Variants in INSC observed in about 807,000 individuals in gnomAD.
The protein encoded by INSC is INSC spindle orientation adaptor protein.
INSC carries 67 observed loss-of-function variants against 58.6 expected under a neutral mutation model. That is an observed-to-expected ratio of 1.14 (90% CI 0.94 to 1.40). INSC has a LOEUF of 1.40. Ranked by LOEUF, INSC falls within the 40% of genes most tolerant of loss-of-function variation. The probability of loss-of-function intolerance (pLI) is 0.00; values close to 1 mark genes in which losing one functional copy is unlikely to be tolerated. For synonymous variants in INSC, 262 were observed against 276.1 expected (o/e 0.95, Z 0.51); for missense variants, 714 against 692.0 (o/e 1.03, Z -0.36).
intron 5 of INSC, among the ~76,000 whole-genome samples, chr11:15,183,005 G>T (rs923156021): frequency 2.0e-5 from 3 of 152,094 alleles, no homozygotes; most frequent in African/African-American, 7.2e-5. Flanking sequence ...AAGCTTCCAT[G>T]AATTATTTCC....
intron 5 of INSC, among the ~76,000 whole-genome samples, chr11:15,178,738 G>GCTTT (rs1554913441): frequency 7.2e-5 from 11 of 152,142 alleles, no homozygotes; most frequent in Non-Finnish European, 1.5e-4. Flanking sequence ...GCAGAGCCCA[G>GCTTT]CATCTCCCAA....
intron 2 of INSC, among the ~76,000 whole-genome samples, chr11:15,169,944 G>A (rs1182448874): frequency 6.6e-6 from 1 of 152,090 alleles, no homozygotes. Context: ...GTTGTCCCTT[G>A]GCATCCATGA....
At chr11:15,208,801 A>G (rs1278304720) in intron 7 of INSC, among the ~76,000 whole-genome samples, 4 of 152,196 alleles carry the variant, frequency 2.6e-5, no homozygotes, top group Non-Finnish European at 5.9e-5. Context: ...TGTGCTGTGC[A>G]ACAGCGACCC....
At chr11:15,169,934 G>A (rs1332553231) in intron 2 of INSC, among the ~76,000 whole-genome samples, 1 of 152,174 alleles carries the variant, frequency 6.6e-6, no homozygotes, top group African/African-American at 2.4e-5. Flanking sequence ...AGACATTGCA[G>A]TTGTCCCTTG....
intron 9 of INSC, among the ~76,000 whole-genome samples, chr11:15,228,610 T>C (rs554167269): frequency 1.6e-4 from 24 of 152,304 alleles, no homozygotes; most frequent in African/African-American, 5.5e-4. Context: ...GAAGATGAAT[T>C]AGGCTTTGAA....
intron 7 of INSC, among the ~76,000 whole-genome samples, chr11:15,206,904 T>C (rs1792551): frequency 0.73 from 111,614 of 152,108 alleles, 41,900 homozygotes; most frequent in East Asian, 0.95. Context: ...CATTTGTCTC[T>C]ACTTTTCCAG....
intron 1 of INSC, 25 bp downstream of exon 1, chr11:15,115,028 G>A: frequency 1.0e-6 from 1 of 984,662 alleles, no homozygotes. Flanking sequence ...CCCCTAGCTG[G>A]ATTCAGGGGG....
the INSC span, among the ~76,000 whole-genome samples, chr11:15,257,498 G>A: frequency 6.6e-6 from 1 of 152,068 alleles, no homozygotes; most frequent in Non-Finnish European, 1.5e-5. Context: ...TTAATACATG[G>A]ATGGTGTTAT....
rs1162303369 is a variant in INSC, at chr11:15,118,461, T to C, written c.-46+3458T>C. Among the ~76,000 whole-genome samples, 6 of 152,172 alleles carry C rather than the reference T, an allele frequency of 3.9e-5. No homozygotes were observed. In the South Asian group the frequency reaches 1.2e-3, roughly 32 times the overall value. On this transcript the variant is annotated intron_variant, in intron 1 of 12. Coordinates refer to ENST00000379556, the MANE Select transcript of INSC (RefSeq NM_001042536.3). ...ACTTGAATGGTGGGCTTTCAGGCAT[T>C]GCATTGAGGTCCTGCTTCTCATTAT...
At chr11:15,149,936 CA>C (rs1402767338) in intron 2 of INSC, among the ~76,000 whole-genome samples, 1 of 152,180 alleles carries the variant, frequency 6.6e-6, no homozygotes, top group Non-Finnish European at 1.5e-5. Context: ...GGAGGCAAGG[CA>C]TGATTTCTAA....
intron 9 of INSC, among the ~76,000 whole-genome samples, chr11:15,228,074 T>A (rs971532791): frequency 2.4e-4 from 36 of 152,194 alleles, no homozygotes; most frequent in Non-Finnish European, 5.3e-4. Flanking sequence ...TTAAATTAAT[T>A]AATAAATAAA....
At chr11:15,222,240 G>A (rs1274137665) in intron 8 of INSC, among the ~76,000 whole-genome samples, 1 of 152,142 alleles carries the variant, frequency 6.6e-6, no homozygotes, top group East Asian at 1.9e-4. Context: ...GTTTTCCTTT[G>A]CTAAATTATA....
intron 5 of INSC, among the ~76,000 whole-genome samples, chr11:15,184,853 C>G (rs1375045433): frequency 1.3e-5 from 2 of 152,090 alleles, no homozygotes; most frequent in Non-Finnish European, 2.9e-5. Context: ...TTCAAGCTTT[C>G]AACAAAACAT....
In INSC at chr11:15,230,013, A is replaced by ATTAT. The variant is rs1491490993; in HGVS notation, c.1170+4185_1170+4186insTTAT. 3.6e-3 allele frequency among the ~76,000 whole-genome samples: 85 copies of ATTAT among 23,778 alleles called. 1 individual carries two copies. The highest frequency in any genetic ancestry group is 0.014 in the African/African-American group (80 of 5,684). 15.6% of individuals were successfully genotyped at this position (23,778 alleles called of 152,430 possible). A position where few individuals can be genotyped will look rare whatever the true frequency, so the allele number is the denominator to read the frequency against. On this transcript the variant is annotated intron_variant, in intron 9 of 12. Transcript: ENST00000379556. ...TATATATATATATATATATATATAT[A>ATTAT]ATATATATATATATATATATATATA... is the stretch of plus-strand genomic sequence containing the variant.
intron 12 of INSC, among the ~76,000 whole-genome samples, chr11:15,243,801 T>A (rs1331297656): frequency 2.0e-5 from 3 of 151,966 alleles, no homozygotes; most frequent in African/African-American, 7.3e-5. Context: ...CCTTCCTTTT[T>A]CTCTCTGCCT....
chr11:15,236,055 C>CA lies in INSC; in HGVS notation c.1237+410dup, dbSNP rs66649068. ...TGGGCAACAGAGCGAGACTCTGTCT[C>CA]AAAAAAAAAAAAAAAAAAAAAAATA... is the stretch of plus-strand genomic sequence containing the variant. On this transcript the variant is annotated intron_variant, in intron 10 of 12. Coordinates refer to ENST00000379556, the MANE Select transcript of INSC (RefSeq NM_001042536.3). Among the ~76,000 whole-genome samples, 675 of 98,850 alleles carry CA rather than the reference C, an allele frequency of 6.8e-3. 10 individuals carry two copies. The highest frequency in any genetic ancestry group is 0.016 in the African/African-American group (421 of 26,670). 64.8% of individuals were successfully genotyped at this position (98,850 alleles called of 152,430 possible).
chr11:15,178,489 C>A, intron 5 of INSC, 42 bp downstream of exon 5: 6 of 1,587,880 alleles, frequency 3.8e-6, no homozygotes, highest in Non-Finnish European at 5.1e-6. Flanking sequence ...CTTGTGTGGA[C>A]CCTTGGAGGA....
intron 5 of INSC, among the ~76,000 whole-genome samples, chr11:15,186,433 C>A (rs561660552): frequency 1.3e-5 from 2 of 152,154 alleles, no homozygotes; most frequent in East Asian, 3.9e-4. Context: ...CTTTTATTTC[C>A]CTTCGCTTTC....
At chr11:15,112,519 G>A (rs762304569), upstream of INSC, 20 of 1,612,722 alleles carry the variant, frequency 1.2e-5, no homozygotes, top group Non-Finnish European at 1.7e-5. Context: ...GGTCCAGGTG[G>A]CTGGGGTCTA....
Sources: gnomAD v4.1 joint callset for allele counts (sites outside exome capture counted in the v4.1 genomes callset) on GRCh38, gnomAD v4.1.1 for gene constraint, MANE v1.5 for transcripts, NCBI Gene and HGNC (gene_info 2026-07-23, HGNC 2026-07-21) for gene names.